The following TOP3B variants were observed in gnomAD, a reference collection of about 807,000 sequenced individuals.
The protein encoded by TOP3B is DNA topoisomerase III beta, also known as DNA topoisomerase 3-beta-1.
A neutral mutation model predicts 93.9 loss-of-function variants in TOP3B; 45 were observed. The observed-to-expected ratio is 0.48, with a 90% CI of 0.38 to 0.61. The LOEUF (loss-of-function observed/expected upper bound fraction) is 0.61. TOP3B is among the 20% of genes least tolerant of loss of function. The pLI, the probability that TOP3B is intolerant of heterozygous loss-of-function variation, is 0.00. For synonymous variants in TOP3B, 357 were observed against 472.6 expected (o/e 0.76, Z 3.17); for missense variants, 750 against 1,156.1 (o/e 0.65, Z 5.09).
intron 15 of TOP3B, 51 bp from the exon 16 acceptor site, chr22:21,959,283 A>G: frequency 6.2e-7 from 1 of 1,603,190 alleles, no homozygotes. Context: ...CCCCAGCAAA[A>G]GGCTCCGCAA....
Position 21,967,685 on chromosome 22 carries a change from A to T in TOP3B, c.770T>A (p.Leu257Ter). The change falls in exon 8 of 18, where the codon TTG (leucine) becomes TAG (stop). Residue 257 changes from leucine (L) to a stop codon, truncating the protein, a stop_gained. Transcript: ENST00000357179. LOFTEE classifies it high-confidence loss of function. ...VNTDKDRSLL[L>*]DWDRVRVFDR... The stretch of plus-strand genomic sequence containing the variant: ...AAACACTCTTACTCGGTCCCAGTCC[A>T]AAAGGAGAGATCTGTCTTTGTCAGT... The T allele has an allele frequency of 6.2e-7, 1 of 1,614,134 alleles. No individual in the cohort carries two copies. Among genetic ancestry groups the T allele is most frequent in the South Asian group, 1.1e-5 (1 of 91,082 alleles).
In TOP3B at chr22:21,974,441, C is replaced by G; in HGVS notation, c.118G>C (p.Glu40Gln). The G allele has an allele frequency of 6.2e-7, 1 of 1,614,000 alleles. No homozygotes were observed. The highest frequency in any genetic ancestry group is 8.5e-7 in the Non-Finnish European group (1 of 1,179,914). Reference protein sequence around the residue: ...KGLNGACSVHEYTGTFAGQPV... With the variant: ...KGLNGACSVHQYTGTFAGQPV... ...TGGCCAGCAAAGGTCCCAGTGTACT[C>G]GTGGACTGAGCAGGCCCCGTTCAGC... is the stretch of plus-strand genomic sequence containing the variant. Residue 40 changes from glutamate (E) to glutamine (Q), a missense_variant, in exon 3 of 18, where the codon GAG becomes CAG. Physicochemically the swap from Glu to Gln is conservative, Grantham distance 29 (BLOSUM62 2). This residue lies in a region of TOP3B where 737 missense variants were observed against 933.7 expected (regional missense o/e 0.79). Transcript: ENST00000357179.
chr22:21,968,324 T>A (rs547577595), intron 7 of TOP3B: 1 of 400,106 alleles, frequency 2.5e-6, no homozygotes, highest in South Asian at 4.8e-5. Context: ...CTCAGTCCAG[T>A]GCTTGGACCT....
In TOP3B at chr22:21,975,820, A is replaced by C; in HGVS notation, c.-98-13T>G. The C allele has an allele frequency of 1.5e-6, 2 of 1,366,562 alleles. No homozygotes were observed. Among genetic ancestry groups the C allele is most frequent in the Non-Finnish European group, 1.9e-6 (2 of 1,049,198 alleles). The allele number at this position is 1,366,562 out of a possible 1,614,324, so 84.7% of individuals were successfully genotyped here. ...CCAATGCTGACTCCTAAAGAGAAGA[A>C]AAGACACTCAGGATAGCAATGCTGT... On this transcript the variant is annotated splice_polypyrimidine_tract_variant and intron_variant, in intron 1 of 17. Transcript: ENST00000357179.
At chr22:21,974,564 C>G in intron 2 of TOP3B, 76 bp from the exon 3 acceptor site, 1 of 1,469,238 alleles carries the variant, frequency 6.8e-7, no homozygotes, top group Non-Finnish European at 9.2e-7. Context: ...AGCCCGGATG[C>G]CACCTCCCAG....
chr22:21,962,152 C>T, intron 13 of TOP3B: 1 of 1,383,432 alleles, frequency 7.2e-7, no homozygotes, highest in Non-Finnish European at 9.4e-7. Flanking sequence ...AATCTTCAGC[C>T]TTGTGGGCGT....
rs1475660865 is a variant in TOP3B at position 21,965,299 on chromosome 22, G to C, written c.929C>G (p.Ala310Gly). ...TCCCTACATACCCAGAGAAGAGCTG[G>C]CCACACGCAGCATCTCCACAGTGTT... ...ALNTVEMLRV[A>G]SSSLGMGPQH... Residue 310 changes from alanine (A) to glycine (G), a missense_variant, in exon 9 of 18, where the codon GCC becomes GGC. This residue lies in a region of TOP3B where 737 missense variants were observed against 933.7 expected (regional missense o/e 0.79). Transcript: ENST00000357179. The C allele has an allele frequency of 6.3e-7, 1 of 1,597,714 alleles. No individual in the cohort carries two copies.
chr22:21,975,572 A>G lies in TOP3B; in HGVS notation c.70+68T>C, dbSNP rs1353135855. ...ACCCCAGCCAGGGTGGAATCACATT[A>G]GGAAAAAATGTCCTGTAACACATAA... On this transcript the variant is annotated intron_variant, in intron 2 of 17. Coordinates refer to ENST00000357179, the MANE Select transcript of TOP3B (RefSeq NM_001282112.2). 5.3e-6 allele frequency: 8 copies of G among 1,509,864 alleles called. No individual in the cohort carries two copies. In the East Asian group the frequency reaches 7.1e-5, roughly 13 times the overall value. 93.5% of individuals were successfully genotyped at this position (1,509,864 alleles called of 1,614,324 possible).
chr22:21,964,271 T>C lies in TOP3B; in HGVS notation c.988A>G (p.Thr330Ala). The change falls in exon 10 of 18, where the codon ACG becomes GCG. Residue 330 changes from threonine (T) to alanine (A), a missense_variant. Around this residue, in one of 4 missense-constraint regions of TOP3B, gnomAD observed 737 missense variants for 933.7 expected, o/e 0.79. Transcript: ENST00000357179. Reference sequence around the variant, plus strand: ...CGTGGGTAGCTGATGTAGCCTTGCGTGTAGAGCCGCTCAGCCGTCTGCATG... The same window carrying C: ...CGTGGGTAGCTGATGTAGCCTTGCGCGTAGAGCCGCTCAGCCGTCTGCATG... ...HAMQTAERLYTQGYISYPRTE... is the reference protein window; with the variant it reads ...HAMQTAERLYAQGYISYPRTE... 1 of 1,614,068 alleles carries C rather than the reference T, an allele frequency of 6.2e-7. No homozygotes were observed. Among genetic ancestry groups the C allele is most frequent in the Non-Finnish European group, 8.5e-7 (1 of 1,180,000 alleles).
chr22:21,963,596 G>A lies in TOP3B; in HGVS notation c.1204+327C>T, dbSNP rs1288816483. 7 of 343,560 alleles carry A rather than the reference G, an allele frequency of 2.0e-5. No individual in the cohort carries two copies. Among genetic ancestry groups the A allele is most frequent in the South Asian group, 1.1e-4 (3 of 28,154 alleles). 21.3% of individuals were successfully genotyped at this position (343,560 alleles called of 1,614,324 possible). On this transcript the variant is annotated intron_variant, in intron 11 of 17. Transcript: ENST00000357179. This position sits in a 1 kb window ranked among gnomAD's most constrained non-coding sequence, Gnocchi z 4.8. ...CCTCATTTGCCTTCTCCTGGCACTCGGACCACTGGTACCACCTTAGGCCAG... is the reference window on the plus strand; with the variant it reads ...CCTCATTTGCCTTCTCCTGGCACTCAGACCACTGGTACCACCTTAGGCCAG...
In TOP3B at chr22:21,962,759, C is replaced by T. The variant is rs752016261; in HGVS notation, c.1339G>A (p.Val447Ile). ...PELFTCSGKTVLSPGFTEVMP... is the reference protein window; with the variant it reads ...PELFTCSGKTILSPGFTEVMP... Reference sequence around the variant, plus strand: ...CCCGTGGTGTGACCTGGTGAGAGGACGGTCTTCCCGGAGCAGGTGAAGAGC... The same window carrying T: ...CCCGTGGTGTGACCTGGTGAGAGGATGGTCTTCCCGGAGCAGGTGAAGAGC... Residue 447 changes from valine (V) to isoleucine (I), a missense_variant, in exon 12 of 18, where the codon GTC becomes ATC. Around this residue, in one of 4 missense-constraint regions of TOP3B, gnomAD observed 737 missense variants for 933.7 expected, o/e 0.79. Coordinates refer to ENST00000357179, the MANE Select transcript of TOP3B (RefSeq NM_001282112.2). 6.2e-6 allele frequency: 10 copies of T among 1,613,990 alleles called. No homozygotes were observed. The highest frequency in any genetic ancestry group is 2.2e-5 in the East Asian group (1 of 44,888).
chr22:21,978,507 G>A (rs2071975356), intron 1 of TOP3B, among the ~76,000 whole-genome samples: 1 of 152,194 alleles, frequency 6.6e-6, no homozygotes, highest in Admixed American at 6.5e-5. Flanking sequence ...TGTTAAACGG[G>A]ACCTGCCCAT....
chr22:21,971,678 A>G lies in TOP3B; in HGVS notation c.384+199T>C, dbSNP rs887487921. On this transcript the variant is annotated intron_variant, in intron 5 of 17. Transcript: ENST00000357179. This position sits in a 1 kb window ranked among gnomAD's most constrained non-coding sequence, Gnocchi z 4.6. ...TGAGGCCTCAGCAAGCGGAGGAACAACTGACCACCTTTAATAGAGCCTATG... is the reference window on the plus strand; with the variant it reads ...TGAGGCCTCAGCAAGCGGAGGAACAGCTGACCACCTTTAATAGAGCCTATG... The G allele has an allele frequency of 1.6e-6, 1 of 637,220 alleles. No individual in the cohort carries two copies. The highest frequency in any genetic ancestry group is 1.8e-5 in the African/African-American group (1 of 55,622). 39.5% of individuals were successfully genotyped at this position (637,220 alleles called of 1,614,324 possible).
At chr22:21,978,522 C>A (rs914640507) in intron 1 of TOP3B, among the ~76,000 whole-genome samples, 3 of 152,178 alleles carry the variant, frequency 2.0e-5, no homozygotes, top group Non-Finnish European at 4.4e-5. Flanking sequence ...GCCCATTGGA[C>A]AGCCTGGGTG....
chr22:21,964,135 G>C (rs2071315635), intron 10 of TOP3B, 26 bp downstream of exon 10: 14 of 1,613,530 alleles, frequency 8.7e-6, no homozygotes, highest in Non-Finnish European at 1.2e-5. Flanking sequence ...ACACACACAT[G>C]CTGAGGCCGG....
Position 21,959,575 on chromosome 22 carries a change from G to A in TOP3B, c.1804+12C>T. On this transcript the variant is annotated intron_variant, in intron 15 of 17. Coordinates refer to ENST00000357179, the MANE Select transcript of TOP3B (RefSeq NM_001282112.2). ...CCCCTCTGGTGAGGGGCAGGCCAGA[G>A]GCAGACTCTACCAGCAATGGAGTCG... is the stretch of plus-strand genomic sequence containing the variant. 6.2e-7 allele frequency: 1 copy of A among 1,602,384 alleles called. No individual in the cohort carries two copies. Among genetic ancestry groups the A allele is most frequent in the Non-Finnish European group, 8.5e-7 (1 of 1,172,728 alleles).
chr22:21,970,702 T>C lies in TOP3B; in HGVS notation c.385-296A>G. Reference sequence around the variant, plus strand: ...ACTCCCGCCCTCTCTTCTAATCCTCTGCTTTCATCCCCACCAAATCAGGAA... The same window carrying C: ...ACTCCCGCCCTCTCTTCTAATCCTCCGCTTTCATCCCCACCAAATCAGGAA... On this transcript the variant is annotated intron_variant, in intron 5 of 17. Transcript: ENST00000357179. The surrounding 1 kb of genome is among the most constrained non-coding windows in gnomAD (Gnocchi z 4.4). 2.3e-6 allele frequency: 1 copy of C among 427,872 alleles called. No individual in the cohort carries two copies. The highest frequency in any genetic ancestry group is 4.4e-6 in the Non-Finnish European group (1 of 228,974). The allele number at this position is 427,872 out of a possible 1,614,324, so 26.5% of individuals were successfully genotyped here.
intron 1 of TOP3B, among the ~76,000 whole-genome samples, chr22:21,979,839 G>A (rs1406162715): frequency 2.0e-5 from 3 of 149,984 alleles, no homozygotes; most frequent in African/African-American, 4.9e-5. Flanking sequence ...TACTCGGGAG[G>A]CTGAGGCAGG....
Position 21,962,808 on chromosome 22 carries a change from G to A in TOP3B, c.1290C>T (p.Thr430=). The change falls in exon 12 of 18, where the codon ACC becomes ACT. Residue 430 remains threonine, a synonymous_variant. Transcript: ENST00000357179. ...GCTCGGGCCCAATTCTGAAGGAGATGGTGCTCTGCAGGTACTTGCAGTCAT... is the reference window on the plus strand; with the variant it reads ...GCTCGGGCCCAATTCTGAAGGAGATAGTGCTCTGCAGGTACTTGCAGTCAT... ...VSHDCKYLQS[T]ISFRIGPELF... is the part of the protein sequence containing the mutation. The A allele has an allele frequency of 6.2e-7, 1 of 1,613,682 alleles. No individual in the cohort carries two copies. The highest frequency in any genetic ancestry group is 8.5e-7 in the Non-Finnish European group (1 of 1,179,880).
Sources: allele counts gnomAD v4.1 joint callset (sites outside exome capture counted in the v4.1 genomes callset), GRCh38; gene constraint gnomAD v4.1.1; regional missense constraint gnomAD v4.1.1; non-coding constraint Gnocchi (gnomAD v3.1); transcripts MANE v1.5; gene names NCBI Gene and HGNC (gene_info 2026-07-23, HGNC 2026-07-21).